Variants in AGMO observed in about 807,000 individuals in gnomAD.
The protein encoded by AGMO is alkylglycerol monooxygenase.
AGMO carries 75 observed loss-of-function variants against 60.2 expected under a neutral mutation model. The observed-to-expected ratio is 1.25, with a 90% CI of 1.03 to 1.51. The LOEUF is 1.51. AGMO is among the 40% of genes most tolerant of loss of function. AGMO has a pLI of 0.00. For synonymous variants in AGMO, 261 were observed against 177.1 expected (o/e 1.47, Z -3.76); for missense variants, 763 against 525.5 (o/e 1.45, Z -4.42).
rs976860192 is a variant in AGMO at position 15,550,473 on chromosome 7, G to A, written c.258-5550C>T. Among the ~76,000 whole-genome samples the A allele has an allele frequency of 2.0e-3, 310 of 152,202 alleles. 1 individual carries two copies. The highest frequency in any genetic ancestry group is 7.2e-3 in the African/African-American group (300 of 41,494). On this transcript the variant is annotated intron_variant, in intron 2 of 12. Transcript: ENST00000342526. ...GAATCAAATAGACACTATAAAAAAT[G>A]ATAAAGGGGATATCACCACCCATCC...
At chr7:15,271,579 G>A (rs1384852372) in intron 12 of AGMO, among the ~76,000 whole-genome samples, 2 of 152,014 alleles carry the variant, frequency 1.3e-5, no homozygotes, top group Non-Finnish European at 2.9e-5. Context: ...GAATATTTGG[G>A]GTTTTCTAGG....
chr7:15,416,132 C>A (rs1283305688), intron 5 of AGMO, among the ~76,000 whole-genome samples: 2 of 150,070 alleles, frequency 1.3e-5, no homozygotes, highest in Non-Finnish European at 2.9e-5. Context: ...CTCCCAGGTT[C>A]AAGCAATTAT....
At chr7:15,342,829 A>G (rs868110452) in intron 12 of AGMO, among the ~76,000 whole-genome samples, 7 of 148,602 alleles carry the variant, frequency 4.7e-5, no homozygotes, top group African/African-American at 1.8e-4. Flanking sequence ...TACCTCTACA[A>G]CTTATGACTA....
chr7:15,357,897 A>T (rs1782602802), intron 12 of AGMO, among the ~76,000 whole-genome samples: 1 of 152,190 alleles, frequency 6.6e-6, no homozygotes. Context: ...GTCATGCAAA[A>T]ACAGATAAAT....
intron 10 of AGMO, among the ~76,000 whole-genome samples, chr7:15,374,953 G>C (rs1315261909): frequency 6.6e-6 from 1 of 152,062 alleles, no homozygotes; most frequent in African/African-American, 2.4e-5. Context: ...GGGCAAAAAA[G>C]GATCAGAGTT....
At chr7:15,433,724 G>A (rs1459279661) in intron 3 of AGMO, among the ~76,000 whole-genome samples, 2 of 151,326 alleles carry the variant, frequency 1.3e-5, no homozygotes, top group African/African-American at 2.4e-5. Flanking sequence ...TATACATTCT[G>A]TTCAATAACA....
At chr7:15,333,047 C>G (rs961292182) in intron 12 of AGMO, among the ~76,000 whole-genome samples, 1 of 152,120 alleles carries the variant, frequency 6.6e-6, no homozygotes, top group Non-Finnish European at 1.5e-5. Flanking sequence ...ATAGTCCAAG[C>G]TTATAACCAG....
Position 15,366,209 on chromosome 7 carries a change from A to C in AGMO, c.1088T>G (p.Val363Gly). 1 of 1,605,780 alleles carries C rather than the reference A, an allele frequency of 6.2e-7. No homozygotes were observed. The highest frequency in any genetic ancestry group is 8.5e-7 in the Non-Finnish European group (1 of 1,175,508). ...GAAGCAAACCCTCAGAAGGAGAGTAACTTGCGACAGTGCCTGTCAAACAAA... is the reference window on the plus strand; with the variant it reads ...GAAGCAAACCCTCAGAAGGAGAGTACCTTGCGACAGTGCCTGTCAAACAAA... ...TFADTAALSQVTLLLRVCFII... is the reference protein window; with the variant it reads ...TFADTAALSQGTLLLRVCFII... The change falls in exon 11 of 13, where the codon GTT becomes GGT. Residue 363 changes from valine (V) to glycine (G), a missense_variant. By Grantham distance (109) the Val-to-Gly change is moderately radical (BLOSUM62 -3). Transcript: ENST00000342526.
intron 9 of AGMO, among the ~76,000 whole-genome samples, chr7:15,386,690 G>A (rs889688751): frequency 1.3e-5 from 2 of 152,056 alleles, no homozygotes; most frequent in Non-Finnish European, 2.9e-5. Flanking sequence ...TGTACACATA[G>A]TATCATCCTT....
At chr7:15,400,083 A>G (rs905539320) in intron 5 of AGMO, among the ~76,000 whole-genome samples, 4 of 152,070 alleles carry the variant, frequency 2.6e-5, no homozygotes, top group African/African-American at 7.2e-5. Flanking sequence ...TTCATTTCTC[A>G]TACTATATTG....
At chr7:15,504,311 G>C (rs1235609351) in intron 3 of AGMO, among the ~76,000 whole-genome samples, 1 of 151,896 alleles carries the variant, frequency 6.6e-6, no homozygotes, top group African/African-American at 2.4e-5. Flanking sequence ...TGTGAGGAGG[G>C]AAAAATTAGG....
chr7:15,338,642 A>G (rs1781737948), intron 12 of AGMO, among the ~76,000 whole-genome samples: 1 of 152,118 alleles, frequency 6.6e-6, no homozygotes, highest in Admixed American at 6.6e-5. Context: ...TAATATTTCT[A>G]AAGATTTATC....
chr7:15,341,932 C>G (rs565959348), intron 12 of AGMO, among the ~76,000 whole-genome samples: 1 of 151,886 alleles, frequency 6.6e-6, no homozygotes, highest in Admixed American at 6.6e-5. Context: ...CTCTATGATT[C>G]AATTATCTCT....
chr7:15,215,901 C>T (rs73054558), intron 12 of AGMO, among the ~76,000 whole-genome samples: 16,877 of 152,052 alleles, frequency 0.11, 1,034 homozygotes, highest in African/African-American at 0.14. Flanking sequence ...TAATTGAGCA[C>T]TGACGTATTA....
intron 12 of AGMO, among the ~76,000 whole-genome samples, chr7:15,296,553 TA>T (rs1168149545): frequency 6.8e-6 from 1 of 147,720 alleles, no homozygotes; most frequent in African/African-American, 2.7e-5. Flanking sequence ...CCTTGTTAAA[TA>T]AAGTCTTCCT....
rs375176381 is a variant in AGMO, at chr7:15,561,729, A to G, written c.117T>C (p.Tyr39=). ...SFQTLEEVPD[Y]VKKATPFFIS... ...TCCAATAAAGTCTCACCTTTTTTAC[A>G]TAATCAGGCACCTCTTCTAATGTTT... The change falls in exon 1 of 13, where the codon TAT becomes TAC. Residue 39 remains tyrosine, a synonymous_variant. Transcript: ENST00000342526. 6 of 1,605,014 alleles carry G rather than the reference A, an allele frequency of 3.7e-6. No individual in the cohort carries two copies. The highest frequency in any genetic ancestry group is 2.2e-5 in the East Asian group (1 of 44,636).
intron 12 of AGMO, among the ~76,000 whole-genome samples, chr7:15,243,502 G>T (rs4721421): frequency 3.9e-5 from 6 of 151,942 alleles, no homozygotes; most frequent in African/African-American, 1.5e-4. Flanking sequence ...GGCGTATGAC[G>T]GATAGCTATG....
chr7:15,223,911 T>C (rs564009054), intron 12 of AGMO, among the ~76,000 whole-genome samples: 4 of 152,188 alleles, frequency 2.6e-5, no homozygotes, highest in Admixed American at 6.6e-5. Flanking sequence ...AACAGCTTCA[T>C]TGGGAAATGT....
intron 10 of AGMO, among the ~76,000 whole-genome samples, chr7:15,376,987 G>GTTT (rs1783484142): frequency 6.6e-6 from 1 of 152,004 alleles, no homozygotes; most frequent in Non-Finnish European, 1.5e-5. Context: ...CATAAAACAA[G>GTTT]TAAGTATTTA....
Sources: allele counts gnomAD v4.1 joint callset (sites outside exome capture counted in the v4.1 genomes callset), GRCh38; gene constraint gnomAD v4.1.1; transcripts MANE v1.5; gene names NCBI Gene and HGNC (gene_info 2026-07-23, HGNC 2026-07-21).